The following PITPNM2 variants were observed in gnomAD, a reference collection of about 807,000 sequenced individuals.
PITPNM2 encodes membrane-associated phosphatidylinositol transfer protein 2.
PITPNM2 carries 35 observed loss-of-function variants against 132.2 expected under a neutral mutation model. The ratio of observed to expected loss-of-function variants is 0.26; its 90% CI spans 0.20 to 0.35. The LOEUF (loss-of-function observed/expected upper bound fraction) is 0.35. Among genes scored for constraint, PITPNM2 ranks in the 10% least tolerant of loss-of-function variants. PITPNM2 has a pLI of 1.00. For synonymous variants in PITPNM2, 738 were observed against 799.2 expected (o/e 0.92, Z 1.29); for missense variants, 1,332 against 1,912.0 (o/e 0.70, Z 5.66).
chr12:123,148,779 A>G (rs1237702036), intron 1 of PITPNM2, among the ~76,000 whole-genome samples: 1 of 152,162 alleles, frequency 6.6e-6, no homozygotes, highest in Non-Finnish European at 1.5e-5. Context: ...CTCACAGTCT[A>G]GTGGGGGGCA....
Position 122,992,345 on chromosome 12 carries a change from C to A in PITPNM2, c.2404+154G>T, listed in dbSNP as rs528005877. On this transcript the variant is annotated intron_variant, in intron 16 of 25. Coordinates refer to ENST00000320201, the MANE Select transcript of PITPNM2 (RefSeq NM_020845.3). This position sits in a 1 kb window ranked among gnomAD's most constrained non-coding sequence, Gnocchi z 6.5. ...GCGGAGGGATGCACCACCCCCACCCCCCACCCCCAACAGCTGTCCACCTCC... is the reference window on the plus strand; with the variant it reads ...GCGGAGGGATGCACCACCCCCACCCACCACCCCCAACAGCTGTCCACCTCC... 2.1e-5 allele frequency among the ~76,000 whole-genome samples: 3 copies of A among 141,070 alleles called. No homozygotes were observed. Among genetic ancestry groups the A allele is most frequent in the South Asian group, 5.0e-4 (2 of 4,004 alleles). 92.5% of individuals were successfully genotyped at this position (141,070 alleles called of 152,430 possible). A position where few individuals can be genotyped will look rare whatever the true frequency, so the allele number is the denominator to read the frequency against.
rs1475983702 is a variant in PITPNM2 at position 123,117,851 on chromosome 12, G to C, written c.-199-7363C>G. On this transcript the variant is annotated intron_variant, in intron 1 of 25. Transcript: ENST00000320201. This position sits in a 1 kb window ranked among gnomAD's most constrained non-coding sequence, Gnocchi z 4.7. ...GACTCTAGGTGAGGCTACGGGACTA[G>C]TTATATGAGTAGGGGAGGTCCACCA... is the stretch of plus-strand genomic sequence containing the variant. Among the ~76,000 whole-genome samples, 1 of 152,236 alleles carries C rather than the reference G, an allele frequency of 6.6e-6. No individual in the cohort carries two copies. Among genetic ancestry groups the C allele is most frequent in the African/African-American group, 2.4e-5 (1 of 41,458 alleles).
In PITPNM2 at chr12:123,078,457, G is replaced by A. The variant is rs1448641962; in HGVS notation, c.-96+31928C>T. On this transcript the variant is annotated intron_variant, in intron 2 of 25. Coordinates refer to ENST00000320201, the MANE Select transcript of PITPNM2 (RefSeq NM_020845.3). The surrounding 1 kb of genome is among the most constrained non-coding windows in gnomAD (Gnocchi z 7.3). ...CAAGAGCCTGGGCCCTCCGTCTCACGCCACGATGCCCAGCCAGAGCCTGAA... is the reference window on the plus strand; with the variant it reads ...CAAGAGCCTGGGCCCTCCGTCTCACACCACGATGCCCAGCCAGAGCCTGAA... 6.6e-6 allele frequency among the ~76,000 whole-genome samples: 1 copy of A among 152,310 alleles called. No individual in the cohort carries two copies.
chr12:123,119,354 GA>G, intron 1 of PITPNM2, among the ~76,000 whole-genome samples: 1 of 130,062 alleles, frequency 7.7e-6, no homozygotes, highest in Non-Finnish European at 1.5e-5. Context: ...AGAGGATGGT[GA>G]TTTTTTTTTT....
At position 122,988,358 on chromosome 12, in the gene PITPNM2, G is replaced by T. The variant is rs375335486; in HGVS notation, c.2881-8C>A. On this transcript the variant is annotated splice_polypyrimidine_tract_variant and splice_region_variant and intron_variant, in intron 19 of 25. Transcript: ENST00000320201. ...GTTGTCATGCCTCATGACCTGGGAA[G>T]AGGGGACAGTGCAGGCTGTGGGGCA... is the stretch of plus-strand genomic sequence containing the variant. 4.3e-6 allele frequency: 7 copies of T among 1,611,910 alleles called. No homozygotes were observed. In the African/African-American group the frequency reaches 8.0e-5, roughly 18 times the overall value.
intron 5 of PITPNM2, among the ~76,000 whole-genome samples, chr12:123,012,285 G>A (rs1016160066): frequency 4.6e-5 from 7 of 152,200 alleles, no homozygotes; most frequent in Admixed American, 6.5e-5. Context: ...ATTATGTGCC[G>A]GGGGCACTTG....
chr12:122,997,357 G>A lies in PITPNM2; in HGVS notation c.1440C>T (p.Pro480=), dbSNP rs780702394. The change falls in exon 11 of 26, where the codon CCC becomes CCT. Residue 480 remains proline, a synonymous_variant. Transcript: ENST00000320201. Reference sequence around the variant, plus strand: ...CCAGGGCAAAGGCGTCAGAGCAGACGGGCGGGCAGGGCACCAGGCGGATGG... The same window carrying A: ...CCAGGGCAAAGGCGTCAGAGCAGACAGGCGGGCAGGGCACCAGGCGGATGG... The part of the protein sequence containing the change: ...RLAIRLVPCP[P]VCSDAFALVS... The A allele has an allele frequency of 2.4e-5, 38 of 1,613,160 alleles. No individual in the cohort carries two copies. Among genetic ancestry groups the A allele is most frequent in the Non-Finnish European group, 3.1e-5 (36 of 1,179,960 alleles).
intron 2 of PITPNM2, among the ~76,000 whole-genome samples, chr12:123,054,522 G>A (rs2136686969): frequency 6.6e-6 from 1 of 152,310 alleles, no homozygotes; most frequent in East Asian, 1.9e-4. Flanking sequence ...GGTGGCAAAG[G>A]CAGGGAAGCT....
intron 2 of PITPNM2, among the ~76,000 whole-genome samples, chr12:123,076,387 A>G (rs1298942305): frequency 2.6e-5 from 4 of 152,242 alleles, no homozygotes; most frequent in Admixed American, 6.5e-5. Context: ...GTTTTAAAGA[A>G]ACAGGGCTTT....
intron 2 of PITPNM2, among the ~76,000 whole-genome samples, chr12:123,051,426 C>T (rs2040852975): frequency 6.6e-6 from 1 of 152,240 alleles, no homozygotes; most frequent in African/African-American, 2.4e-5. Flanking sequence ...TCTGCAGCTT[C>T]CTTTTCTTCC....
At chr12:123,136,826 G>A (rs983312513) in intron 1 of PITPNM2, among the ~76,000 whole-genome samples, 1 of 152,214 alleles carries the variant, frequency 6.6e-6, no homozygotes, top group Non-Finnish European at 1.5e-5. Context: ...GAACTCAGGA[G>A]GCAGGGATTG....
At chr12:123,045,806 T>G (rs2040633723) in intron 2 of PITPNM2, among the ~76,000 whole-genome samples, 1 of 152,176 alleles carries the variant, frequency 6.6e-6, no homozygotes, top group Non-Finnish European at 1.5e-5. Flanking sequence ...CAGTAGCCAG[T>G]GTCAGTAGCC....
chr12:123,121,850 C>T (rs928471847), intron 1 of PITPNM2, among the ~76,000 whole-genome samples: 1 of 150,924 alleles, frequency 6.6e-6, no homozygotes, highest in Non-Finnish European at 1.5e-5. Flanking sequence ...CAGCCCATGT[C>T]AACCTTTTGT....
chr12:123,124,238 C>CAAA (rs2043092005), intron 1 of PITPNM2, among the ~76,000 whole-genome samples: 1 of 151,994 alleles, frequency 6.6e-6, no homozygotes, highest in Admixed American at 6.6e-5. Context: ...GCCTGGGCGA[C>CAAA]AGAGTGAGAC....
At position 123,028,189 on chromosome 12, in the gene PITPNM2, C is replaced by T. The variant is rs78304689; in HGVS notation, c.78+6324G>A. On this transcript the variant is annotated intron_variant, in intron 3 of 25. Coordinates refer to ENST00000320201, the MANE Select transcript of PITPNM2 (RefSeq NM_020845.3). ...CCACTCCCTCGGCGGCACACATTCG[C>T]TGAACACCTCGGACGGATGGCCCTC... Among the ~76,000 whole-genome samples the T allele has an allele frequency of 0.012, 1,777 of 152,300 alleles. 125 individuals carry two copies. The East Asian group carries it at 0.21, about 18-fold the overall frequency.
Position 123,111,438 on chromosome 12 carries a change from A to G in PITPNM2, c.-199-950T>C, listed in dbSNP as rs2042831240. Among the ~76,000 whole-genome samples, 1 of 152,242 alleles carries G rather than the reference A, an allele frequency of 6.6e-6. No homozygotes were observed. The highest frequency in any genetic ancestry group is 6.5e-5 in the Admixed American group (1 of 15,292). On this transcript the variant is annotated intron_variant, in intron 1 of 25. Transcript: ENST00000320201. This position sits in a 1 kb window ranked among gnomAD's most constrained non-coding sequence, Gnocchi z 4.1. ...TGGGGGTCTCCTCAGACACCAGTCC[A>G]TGCCCGCTAGGGGCAAGCACAGCCC...
Position 123,083,574 on chromosome 12 carries a change from C to T in PITPNM2, c.-96+26811G>A, listed in dbSNP as rs535796564. ...TCCCAGATGGCTAACTGCTTCGAGT[C>T]TTTCCCCCAGATGTAACATGTCTAT... On this transcript the variant is annotated intron_variant, in intron 2 of 25. Coordinates refer to ENST00000320201, the MANE Select transcript of PITPNM2 (RefSeq NM_020845.3). This position sits in a 1 kb window ranked among gnomAD's most constrained non-coding sequence, Gnocchi z 4.5. 1 of 152,396 alleles carries T rather than the reference C, an allele frequency of 6.6e-6. No homozygotes were observed. The highest frequency in any genetic ancestry group is 1.5e-5 in the Non-Finnish European group (1 of 68,068). 9.4% of individuals were successfully genotyped at this position (152,396 alleles called of 1,614,324 possible). A position where few individuals can be genotyped will look rare whatever the true frequency, so the allele number is the denominator to read the frequency against.
rs746639513 is a variant in PITPNM2, at chr12:122,987,913, G to A, written c.2998-12C>T. The A allele has an allele frequency of 2.1e-5, 33 of 1,604,796 alleles. No homozygotes were observed. Among genetic ancestry groups the A allele is most frequent in the Non-Finnish European group, 2.7e-5 (32 of 1,174,766 alleles). On this transcript the variant is annotated splice_polypyrimidine_tract_variant and intron_variant, in intron 20 of 25. Coordinates refer to ENST00000320201, the MANE Select transcript of PITPNM2 (RefSeq NM_020845.3). ...TTGGCCGTCACGTTCTGTGGAGGGA[G>A]TGGCAAGCCCAGGTCAGGGGGTCGG... is the stretch of plus-strand genomic sequence containing the variant.
At chr12:123,098,529 C>A (rs1430470108) in intron 2 of PITPNM2, among the ~76,000 whole-genome samples, 1 of 152,142 alleles carries the variant, frequency 6.6e-6, no homozygotes, top group African/African-American at 2.4e-5. Context: ...TAGTAAGACT[C>A]TGTCTCTACA....
Sources: allele counts gnomAD v4.1 joint callset (sites outside exome capture counted in the v4.1 genomes callset), GRCh38; gene constraint gnomAD v4.1.1; non-coding constraint Gnocchi (gnomAD v3.1); transcripts MANE v1.5; gene names NCBI Gene and HGNC (gene_info 2026-07-23, HGNC 2026-07-21).